The following RFTN1 variants were observed in gnomAD, a reference collection of about 807,000 sequenced individuals.
The protein encoded by RFTN1 is raftlin, lipid raft linker 1.
A neutral mutation model predicts 46.5 loss-of-function variants in RFTN1; 26 were observed. The ratio of observed to expected loss-of-function variants is 0.56; its 90% CI spans 0.41 to 0.78. RFTN1 has a LOEUF of 0.78. Among genes scored for constraint, RFTN1 ranks in the 30% least tolerant of loss-of-function variants. The pLI, the probability that RFTN1 is intolerant of heterozygous loss-of-function variation, is 0.00. For missense variants in RFTN1, 693 were observed against 718.7 expected (o/e 0.96, Z 0.41); for synonymous variants, 261 against 284.2 (o/e 0.92, Z 0.82).
In RFTN1 at chr3:16,336,578, T is replaced by C. The variant is rs1488962372; in HGVS notation, c.1147-9702A>G. ...GCCCCAGAAAAACATTTTGCTGATA[T>C]GTAATCAGGACAACATAATAGAGTC... On this transcript the variant is annotated intron_variant, in intron 7 of 9. Transcript: ENST00000334133. This position sits in a 1 kb window ranked among gnomAD's most constrained non-coding sequence, Gnocchi z 6.0. Among the ~76,000 whole-genome samples, 6 of 152,252 alleles carry C rather than the reference T, an allele frequency of 3.9e-5. No individual in the cohort carries two copies. Among genetic ancestry groups the C allele is most frequent in the African/African-American group, 1.4e-4 (6 of 41,470 alleles).
At chr3:16,394,312 G>A (rs1335339132) in intron 4 of RFTN1, among the ~76,000 whole-genome samples, 7 of 152,176 alleles carry the variant, frequency 4.6e-5, no homozygotes, top group Non-Finnish European at 7.3e-5. Flanking sequence ...AGGGTTTGAA[G>A]CTGTAGTGAG....
chr3:16,349,581 C>T (rs1277267414), intron 7 of RFTN1: 1 of 152,174 alleles, frequency 6.6e-6, no homozygotes, highest in African/African-American at 2.4e-5. Context: ...AAATCATGCT[C>T]AAAGCAAGAA....
intron 2 of RFTN1, among the ~76,000 whole-genome samples, chr3:16,435,964 T>C (rs2075505530): frequency 1.3e-5 from 2 of 148,760 alleles, no homozygotes; most frequent in Admixed American, 1.3e-4. Flanking sequence ...TATGTATGTG[T>C]GCATTGTAAT....
At position 16,363,053 on chromosome 3, in the gene RFTN1, C is replaced by G. The variant is rs76319136; in HGVS notation, c.1031-5006G>C. 1.9e-3 allele frequency among the ~76,000 whole-genome samples: 297 copies of G among 152,330 alleles called. 2 individuals carry two copies. Among genetic ancestry groups the G allele is most frequent in the South Asian group, 0.011 (55 of 4,830 alleles). On this transcript the variant is annotated intron_variant, in intron 6 of 9. Transcript: ENST00000334133. ...CCAGCCTCCCCACCTCAGCCTAATG[C>G]TCCAGTATTCTGAATCCAGAGCACT...
rs1574977749 is a variant in RFTN1 at position 16,326,979 on chromosome 3, G to A, written c.1147-103C>T. ...TGCCAATCCGCAAAACAGAAAAGAA[G>A]TGGCGGTGCCCGGCCACTCAGAGGC... On this transcript the variant is annotated intron_variant, in intron 7 of 9. Coordinates refer to ENST00000334133, the MANE Select transcript of RFTN1 (RefSeq NM_015150.2). 4 of 832,936 alleles carry A rather than the reference G, an allele frequency of 4.8e-6. No individual in the cohort carries two copies. The East Asian group carries it at 1.1e-4, about 23-fold the overall frequency. 51.6% of individuals were successfully genotyped at this position (832,936 alleles called of 1,614,324 possible).
chr3:16,403,177 C>A (rs1305583550), intron 4 of RFTN1, among the ~76,000 whole-genome samples: 1 of 152,172 alleles, frequency 6.6e-6, no homozygotes, highest in Admixed American at 6.5e-5. Context: ...CTATGCTCAA[C>A]CTCACATTCT....
chr3:16,489,686 C>G lies in RFTN1; in HGVS notation c.145+4039G>C, dbSNP rs2076508855. Among the ~76,000 whole-genome samples, 1 of 151,520 alleles carries G rather than the reference C, an allele frequency of 6.6e-6. No homozygotes were observed. The highest frequency in any genetic ancestry group is 6.6e-5 in the Admixed American group (1 of 15,208). ...ACTTTGGGAGGCCGAGGTGGGTGGACCACTTGAGGTCAGGAGTTCAAGACC... is the reference window on the plus strand; with the variant it reads ...ACTTTGGGAGGCCGAGGTGGGTGGAGCACTTGAGGTCAGGAGTTCAAGACC... On this transcript the variant is annotated intron_variant, in intron 2 of 9. Transcript: ENST00000334133. The surrounding 1 kb of genome is among the most constrained non-coding windows in gnomAD (Gnocchi z 4.0).
At chr3:16,441,461 C>T (rs2075622793) in intron 2 of RFTN1, among the ~76,000 whole-genome samples, 3 of 152,160 alleles carry the variant, frequency 2.0e-5, no homozygotes, top group Non-Finnish European at 4.4e-5. Context: ...CCATTTATTC[C>T]CTGGAAACGA....
chr3:16,441,476 C>T (rs2075623125), intron 2 of RFTN1, among the ~76,000 whole-genome samples: 1 of 152,130 alleles, frequency 6.6e-6, no homozygotes, highest in South Asian at 2.1e-4. Context: ...AAACGAAGCC[C>T]TTCAGACATT....
rs529253179 is a variant in RFTN1, at chr3:16,392,509, A to G, written c.442-14407T>C. Among the ~76,000 whole-genome samples the G allele has an allele frequency of 2.0e-5, 3 of 152,182 alleles. 1 individual carries two copies. Among genetic ancestry groups the G allele is most frequent in the South Asian group, 4.2e-4 (2 of 4,814 alleles). ...GTGCTGTAAACCAGTCAGCTGCCCC[A>G]TGTGTTCACTGACGGTGCATAATTG... On this transcript the variant is annotated intron_variant, in intron 4 of 9. Coordinates refer to ENST00000334133, the MANE Select transcript of RFTN1 (RefSeq NM_015150.2).
chr3:16,435,038 A>G (rs554136447), intron 2 of RFTN1, among the ~76,000 whole-genome samples: 1 of 152,376 alleles, frequency 6.6e-6, no homozygotes, highest in East Asian at 1.9e-4. Context: ...AACAACGTTC[A>G]AAAGTCAAAA....
rs932183266 is a variant in RFTN1, at chr3:16,345,721, G to C, written c.1146+12211C>G. Among the ~76,000 whole-genome samples, 5 of 151,982 alleles carry C rather than the reference G, an allele frequency of 3.3e-5. No homozygotes were observed. The South Asian group carries it at 1.0e-3, about 32-fold the overall frequency. ...ACTGGCTTTCCTGGGTCTCCAGCTT[G>C]CAGATAGCAGACTGTGGGACTCCTC... On this transcript the variant is annotated intron_variant, in intron 7 of 9. Transcript: ENST00000334133. This position sits in a 1 kb window ranked among gnomAD's most constrained non-coding sequence, Gnocchi z 5.2.
chr3:16,409,299 T>C lies in RFTN1; in HGVS notation c.441+76A>G, dbSNP rs6783762. On this transcript the variant is annotated intron_variant, in intron 4 of 9. Coordinates refer to ENST00000334133, the MANE Select transcript of RFTN1 (RefSeq NM_015150.2). ...CCTCTTGAGTGTGGCTGATCTGTCCTAAGGCAGCTACCTGCCTGTTCACTC... is the reference window on the plus strand; with the variant it reads ...CCTCTTGAGTGTGGCTGATCTGTCCCAAGGCAGCTACCTGCCTGTTCACTC... The C allele has an allele frequency of 1.8e-4, 183 of 1,008,608 alleles. 1 individual carries two copies. In the African/African-American group the frequency reaches 2.7e-3, roughly 15 times the overall value. 62.5% of individuals were successfully genotyped at this position (1,008,608 alleles called of 1,614,324 possible). A position where few individuals can be genotyped will look rare whatever the true frequency, so the allele number is the denominator to read the frequency against.
At chr3:16,491,733 C>T (rs985629649) in intron 2 of RFTN1, among the ~76,000 whole-genome samples, 1 of 150,568 alleles carries the variant, frequency 6.6e-6, no homozygotes, top group Non-Finnish European at 1.5e-5. Context: ...ATGAAAAACA[C>T]ATAACCACGA....
Position 16,415,628 on chromosome 3 carries a change from T to C in RFTN1, c.333-6145A>G, listed in dbSNP as rs188260474. The stretch of plus-strand genomic sequence containing the variant: ...AATTTAATTTTGGGACCCTCCACCA[T>C]GAAGAGGGTGGGGTGAAAAGAGGAA... On this transcript the variant is annotated intron_variant, in intron 3 of 9. Transcript: ENST00000334133. Among the ~76,000 whole-genome samples, 6 of 151,224 alleles carry C rather than the reference T, an allele frequency of 4.0e-5. No homozygotes were observed. In the East Asian group the frequency reaches 7.8e-4, roughly 20 times the overall value.
rs1485656201 is a variant in RFTN1, at chr3:16,397,086, AG to A, written c.441+12288del. The stretch of plus-strand genomic sequence containing the variant: ...CTCAAAATGAAAAAAAAAAAAAAAA[AG>A]AGAGAGAGAAGAAAACCTGTCAACA... On this transcript the variant is annotated intron_variant, in intron 4 of 9. Transcript: ENST00000334133. Among the ~76,000 whole-genome samples the A allele has an allele frequency of 6.2e-3, 888 of 142,150 alleles. 14 individuals carry two copies. Among genetic ancestry groups the A allele is most frequent in the African/African-American group, 0.023 (852 of 37,618 alleles). 93.3% of individuals were successfully genotyped at this position (142,150 alleles called of 152,430 possible).
At chr3:16,487,945 T>C (rs1444252558) in intron 2 of RFTN1, among the ~76,000 whole-genome samples, 3 of 152,178 alleles carry the variant, frequency 2.0e-5, no homozygotes, top group Non-Finnish European at 2.9e-5. Flanking sequence ...TCACCCAGAA[T>C]TGAGATTTTT....
At position 16,424,585 on chromosome 3, in the gene RFTN1, AT is replaced by A. The variant is rs2075254883; in HGVS notation, c.332+9265del. On this transcript the variant is annotated intron_variant, in intron 3 of 9. Coordinates refer to ENST00000334133, the MANE Select transcript of RFTN1 (RefSeq NM_015150.2). The surrounding 1 kb of genome is among the most constrained non-coding windows in gnomAD (Gnocchi z 4.7). ...TTTGGTTTTTAAAGTCTTTGTAGCC[AT>A]TTTAAGTTCCAACTCATGGTCGATG... is the stretch of plus-strand genomic sequence containing the variant. Among the ~76,000 whole-genome samples the A allele has an allele frequency of 1.3e-5, 2 of 152,196 alleles. No individual in the cohort carries two copies. Among genetic ancestry groups the A allele is most frequent in the Admixed American group, 1.3e-4 (2 of 15,278 alleles).
At position 16,474,805 on chromosome 3, in the gene RFTN1, C is replaced by T. The variant is rs1430553544; in HGVS notation, c.145+18920G>A. 1.3e-5 allele frequency among the ~76,000 whole-genome samples: 2 copies of T among 152,160 alleles called. No homozygotes were observed. The highest frequency in any genetic ancestry group is 2.4e-5 in the African/African-American group (1 of 41,418). ...GACATCTTGACAAGTTGGACTCTTT[C>T]GGGACAAAGAATACAAGCTGCATCA... On this transcript the variant is annotated intron_variant, in intron 2 of 9. Coordinates refer to ENST00000334133, the MANE Select transcript of RFTN1 (RefSeq NM_015150.2). The surrounding 1 kb of genome is among the most constrained non-coding windows in gnomAD (Gnocchi z 5.5).
Sources: gnomAD v4.1 joint callset for allele counts (sites outside exome capture counted in the v4.1 genomes callset) on GRCh38, gnomAD v4.1.1 for gene constraint, Gnocchi (gnomAD v3.1) non-coding constraint, MANE v1.5 for transcripts, NCBI Gene and HGNC (gene_info 2026-07-23, HGNC 2026-07-21) for gene names.